COL14A1: variants seen among roughly 807,000 people sequenced by gnomAD.
The protein encoded by COL14A1 is collagen alpha-1(XIV) chain.
Under a neutral mutation model 230.3 loss-of-function variants are expected in COL14A1, and 136 were observed. That is an observed-to-expected ratio of 0.59 (90% CI 0.51 to 0.68). The LOEUF (loss-of-function observed/expected upper bound fraction) is 0.68. Ranked by LOEUF, COL14A1 falls within the 30% of genes least tolerant of loss-of-function variation. The pLI is 0.00. For synonymous variants in COL14A1, 792 were observed against 784.1 expected, an observed-to-expected ratio of 1.01 and a Z score of -0.17; for missense variants, 1,976 against 2,215.8, an observed-to-expected ratio of 0.89 and a Z score of 2.17.
intron 26 of COL14A1, among the ~76,000 whole-genome samples, chr8:120,275,545 A>T (rs1819812325): frequency 6.6e-6 from 1 of 152,076 alleles, no homozygotes; most frequent in Non-Finnish European, 1.5e-5. Context: ...GTAAACAGAA[A>T]ACACAAGAAT....
intron 8 of COL14A1, among the ~76,000 whole-genome samples, chr8:120,202,992 A>ATATATATATATATG (rs1210641817): frequency 3.6e-5 from 2 of 55,730 alleles, no homozygotes; most frequent in Non-Finnish European, 6.6e-5. Flanking sequence ...AATTTCAAAT[A>ATATATATATATATG]TATATATATA....
At chr8:120,323,204 C>G (rs527358877) in intron 40 of COL14A1, among the ~76,000 whole-genome samples, 20 of 151,970 alleles carry the variant, frequency 1.3e-4, no homozygotes, top group African/African-American at 4.6e-4. Context: ...TTGTTGGCTG[C>G]GTGCATGTCT....
At chr8:120,359,843 G>A (rs1047564009) in intron 45 of COL14A1, among the ~76,000 whole-genome samples, 7 of 152,128 alleles carry the variant, frequency 4.6e-5, no homozygotes, top group Admixed American at 1.3e-4. Flanking sequence ...AGGCTGGTGT[G>A]CACTGATGAG....
chr8:120,173,574 T>C (rs1586737511), intron 5 of COL14A1, among the ~76,000 whole-genome samples: 2 of 151,818 alleles, frequency 1.3e-5, no homozygotes, highest in African/African-American at 4.8e-5. Context: ...CATCTATCTA[T>C]CTATCTATCT....
At chr8:120,126,495 A>T (rs1389454127) in intron 1 of COL14A1, among the ~76,000 whole-genome samples, 2 of 151,830 alleles carry the variant, frequency 1.3e-5, no homozygotes, top group Non-Finnish European at 2.9e-5. Flanking sequence ...GCAGCAGCTG[A>T]AGGGGGTGGG....
intron 45 of COL14A1, 110 bp from the exon 46 acceptor site, chr8:120,367,061 C>A: frequency 1.3e-6 from 1 of 746,812 alleles, no homozygotes; most frequent in Non-Finnish European, 2.1e-6. Context: ...CCAAACGAAC[C>A]CACTTAATTG....
intron 1 of COL14A1, among the ~76,000 whole-genome samples, chr8:120,130,869 T>G (rs1195088847): frequency 6.6e-6 from 1 of 151,234 alleles, no homozygotes; most frequent in African/African-American, 2.5e-5. Flanking sequence ...CCTCACCCCC[T>G]TTTTTTTCCT....
chr8:120,218,129 AAT>A (rs1817817855), intron 14 of COL14A1, among the ~76,000 whole-genome samples: 1 of 136,470 alleles, frequency 7.3e-6, no homozygotes, highest in Non-Finnish European at 1.5e-5. Flanking sequence ...TCTATATAAA[AAT>A]ATATAATATA....
intron 9 of COL14A1, 132 bp from the exon 10 acceptor site, chr8:120,206,811 A>G (rs1040046179): frequency 1.3e-5 from 11 of 862,028 alleles, no homozygotes; most frequent in African/African-American, 3.5e-5. Context: ...GGATAACTGA[A>G]TCAACTTATC....
At chr8:120,358,593 C>A (rs1187168429) in intron 45 of COL14A1, among the ~76,000 whole-genome samples, 1 of 151,348 alleles carries the variant, frequency 6.6e-6, no homozygotes, top group Middle Eastern at 3.4e-3. Flanking sequence ...AAGTCGTCAT[C>A]GTGTAATTTA....
chr8:120,152,289 G>A (rs1404251501), intron 2 of COL14A1, among the ~76,000 whole-genome samples: 4 of 151,458 alleles, frequency 2.6e-5, no homozygotes, highest in African/African-American at 7.3e-5. Flanking sequence ...GTGAAACCGC[G>A]TCTCTACTAA....
intron 31 of COL14A1, 145 bp from the exon 32 acceptor site, chr8:120,283,491 G>A (rs1202803452): frequency 1.3e-6 from 1 of 749,722 alleles, no homozygotes; most frequent in Non-Finnish European, 2.2e-6. Context: ...TACTAAATTA[G>A]ATCAACAGTG....
In COL14A1 at chr8:120,304,702, T is replaced by C. The variant is rs1820808138; in HGVS notation, c.4401+3884T>C. On this transcript the variant is annotated intron_variant, in intron 36 of 47. Coordinates refer to ENST00000297848, the MANE Select transcript of COL14A1 (RefSeq NM_021110.4). ...TTTTTAATTTTCTAATTTGTCTAAC[T>C]TGCATGTTCTCATTCCAGCCAGTTG... is the stretch of plus-strand genomic sequence containing the variant. Among the ~76,000 whole-genome samples, 3 of 152,306 alleles carry C rather than the reference T, an allele frequency of 2.0e-5. No homozygotes were observed. The South Asian group carries it at 6.2e-4, about 32-fold the overall frequency.
chr8:120,272,947 A>C (rs1271295508), intron 26 of COL14A1, among the ~76,000 whole-genome samples: 1 of 151,870 alleles, frequency 6.6e-6, no homozygotes, highest in Non-Finnish European at 1.5e-5. Context: ...AAATGGACCT[A>C]ACATGTATTT....
rs1414315949 is a variant in COL14A1, at chr8:120,255,502, GGGTCTGACT to G, written c.2869+150_2869+158del. The G allele has an allele frequency of 9.1e-6, 6 of 660,040 alleles. No individual in the cohort carries two copies. In the African/African-American group the frequency reaches 1.1e-4, roughly 12 times the overall value. 40.9% of individuals were successfully genotyped at this position (660,040 alleles called of 1,614,324 possible). ...GTATTGGTCAGTCATGCTGCATATG[GGGTCTGACT>G]GGTTGGGTAAGTGAATTACTAACCC... On this transcript the variant is annotated intron_variant, in intron 23 of 47. Transcript: ENST00000297848.
At chr8:120,370,103 G>A (rs1178121344) in intron 47 of COL14A1, among the ~76,000 whole-genome samples, 2 of 152,134 alleles carry the variant, frequency 1.3e-5, no homozygotes, top group African/African-American at 2.4e-5. Context: ...GCATGCTGGC[G>A]TGCTGTGCAA....
intron 2 of COL14A1, among the ~76,000 whole-genome samples, 163 bp downstream of exon 2, chr8:120,148,093 C>A (rs1420885831): frequency 1.3e-5 from 2 of 151,400 alleles, no homozygotes; most frequent in Non-Finnish European, 2.9e-5. Flanking sequence ...ATTACAACCT[C>A]ACCAGTGACT....
chr8:120,337,623 G>A (rs557723192), intron 42 of COL14A1, among the ~76,000 whole-genome samples: 4 of 151,944 alleles, frequency 2.6e-5, no homozygotes, highest in Admixed American at 6.6e-5. Flanking sequence ...TCCTTCCAGC[G>A]CTAAAATTCG....
rs1563667224 is a variant in COL14A1, at chr8:120,199,510, A to G, written c.821A>G (p.Asp274Gly). Residue 274 changes from aspartate to glycine, a missense_variant, in exon 8 of 48, where the codon GAC (aspartate) becomes GGC (glycine). This residue lies in a region of COL14A1 where 1,791 missense variants were observed against 2,019.5 expected (regional missense o/e 0.89). Coordinates refer to ENST00000297848, the MANE Select transcript of COL14A1 (RefSeq NM_021110.4). Reference sequence around the variant, plus strand: ...ATCACAGATGGAAAATCCCAAGATGACATTATTCCACCATCTAGAAATCTT... The same window carrying G: ...ATCACAGATGGAAAATCCCAAGATGGCATTATTCCACCATCTAGAAATCTT... ...ILITDGKSQD[D>G]IIPPSRNLRE... 6.2e-7 allele frequency: 1 copy of G among 1,613,110 alleles called. No homozygotes were observed. Among genetic ancestry groups the G allele is most frequent in the Non-Finnish European group, 8.5e-7 (1 of 1,179,654 alleles).
Sources: allele counts gnomAD v4.1 joint callset (sites outside exome capture counted in the v4.1 genomes callset), GRCh38; gene constraint gnomAD v4.1.1; regional missense constraint gnomAD v4.1.1; transcripts MANE v1.5; gene names NCBI Gene and HGNC (gene_info 2026-07-23, HGNC 2026-07-21).